SULT1C2: variants seen among roughly 807,000 people sequenced by gnomAD.
SULT1C2 encodes the protein sulfotransferase 1C2.
Under a neutral mutation model 36.0 loss-of-function variants are expected in SULT1C2, and 27 were observed. The ratio of observed to expected loss-of-function variants is 0.75; its 90% CI spans 0.55 to 1.03. The LOEUF is 1.03. Ranked by LOEUF, SULT1C2 falls within the 50% of genes least tolerant of loss-of-function variation. The pLI, the probability that SULT1C2 is intolerant of heterozygous loss-of-function variation, is 0.00. For synonymous variants in SULT1C2, 121 were observed against 116.0 expected, an observed-to-expected ratio of 1.04 and a Z score of -0.27; for missense variants, 395 against 359.2, an observed-to-expected ratio of 1.10 and a Z score of -0.80.
intron 5 of SULT1C2, among the ~76,000 whole-genome samples, 153 bp from the exon 6 acceptor site, chr2:108,305,019 C>T (rs916018937): frequency 1.3e-5 from 2 of 152,222 alleles, no homozygotes; most frequent in African/African-American, 4.8e-5. Flanking sequence ...CCATCTACAC[C>T]ACCCTCAAAA....
At chr2:108,291,740 T>G (rs894828420) in intron 1 of SULT1C2, among the ~76,000 whole-genome samples, 1 of 152,174 alleles carries the variant, frequency 6.6e-6, no homozygotes, top group Non-Finnish European at 1.5e-5. Context: ...TAATTATTCC[T>G]TCCTAATAAA....
intron 1 of SULT1C2, among the ~76,000 whole-genome samples, chr2:108,292,495 A>G (rs1287313510): frequency 6.6e-6 from 1 of 152,040 alleles, no homozygotes; most frequent in African/African-American, 2.4e-5. Context: ...AATAAGCATG[A>G]GAAGATGCTC....
chr2:108,297,633 C>A (rs548341705), intron 3 of SULT1C2, among the ~76,000 whole-genome samples: 1 of 152,084 alleles, frequency 6.6e-6, no homozygotes, highest in African/African-American at 2.4e-5. Context: ...GAGCAACCAT[C>A]GTGGTATTCC....
intron 3 of SULT1C2, among the ~76,000 whole-genome samples, chr2:108,294,885 A>G (rs1473731182): frequency 6.6e-6 from 1 of 152,204 alleles, no homozygotes; most frequent in African/African-American, 2.4e-5. Context: ...CTTCACATCA[A>G]AAAATAAAGA....
chr2:108,297,370 T>C (rs192485531), intron 3 of SULT1C2, among the ~76,000 whole-genome samples: 22 of 152,342 alleles, frequency 1.4e-4, no homozygotes, highest in Admixed American at 6.5e-4. Flanking sequence ...AACTCTTTGA[T>C]GGCAAGAAAC....
intron 3 of SULT1C2, chr2:108,299,568 G>C (rs1374038635): frequency 6.6e-6 from 1 of 152,382 alleles, no homozygotes; most frequent in East Asian, 1.9e-4. Flanking sequence ...GTGGAGCTGA[G>C]AAAAGAGACT....
rs118080219 is a variant in SULT1C2, at chr2:108,296,226, G to A, written c.277+1872G>A. On this transcript the variant is annotated intron_variant, in intron 3 of 7. Transcript: ENST00000251481. ...AATGAAGTATTCTTAGCAGTAGAGA[G>A]CAGAGTGTTCAATCACTAAATCGGC... 2.7e-3 allele frequency among the ~76,000 whole-genome samples: 409 copies of A among 152,340 alleles called. 3 individuals carry two copies. The East Asian group carries it at 0.029, about 11-fold the overall frequency.
intron 1 of SULT1C2, among the ~76,000 whole-genome samples, chr2:108,293,179 CAAA>C (rs397869118): frequency 1.8e-5 from 1 of 54,072 alleles, no homozygotes; most frequent in African/African-American, 7.1e-5. Flanking sequence ...GACTCTGTCT[CAAA>C]AAAAAAAAAA....
In SULT1C2 at chr2:108,293,678, C is replaced by G; in HGVS notation, c.11C>G (p.Thr4Ser). 6.2e-7 allele frequency: 1 copy of G among 1,613,840 alleles called. No homozygotes were observed. The highest frequency in any genetic ancestry group is 8.5e-7 in the Non-Finnish European group (1 of 1,179,872). Reference sequence around the variant, plus strand: ...CAACCCTGAGACACTATGGCCCTGACCTCAGACCTGGGGAAACAGATAAAA... The same window carrying G: ...CAACCCTGAGACACTATGGCCCTGAGCTCAGACCTGGGGAAACAGATAAAA... Reference protein sequence around the residue: MALTSDLGKQIKLK... With the variant: MALSSDLGKQIKLK... The change falls in exon 2 of 8, where the codon ACC (threonine) becomes AGC (serine). Residue 4 changes from threonine to serine, a missense_variant. Coordinates refer to ENST00000251481, the MANE Select transcript of SULT1C2 (RefSeq NM_001056.4).
intron 1 of SULT1C2, among the ~76,000 whole-genome samples, chr2:108,290,469 G>T (rs185914167): frequency 1.3e-5 from 2 of 152,152 alleles, no homozygotes; most frequent in African/African-American, 2.4e-5. Flanking sequence ...GATAATGTCC[G>T]TCTTAGTCCA....
At chr2:108,307,642 CT>C (rs1313838011) in intron 7 of SULT1C2, among the ~76,000 whole-genome samples, 3 of 152,098 alleles carry the variant, frequency 2.0e-5, no homozygotes, top group African/African-American at 7.2e-5. Flanking sequence ...AGAATTTCCC[CT>C]GTTTAAAATT....
At chr2:108,299,311 G>A (rs908929505) in intron 3 of SULT1C2, 1 of 152,176 alleles carries the variant, frequency 6.6e-6, no homozygotes, top group Non-Finnish European at 1.5e-5. Context: ...ATTTTCTTAT[G>A]AGCCTGATTA....
intron 3 of SULT1C2, among the ~76,000 whole-genome samples, chr2:108,295,760 A>G (rs532387171): frequency 1.3e-5 from 2 of 152,178 alleles, no homozygotes; most frequent in Non-Finnish European, 2.9e-5. Flanking sequence ...TCCAGGCCCC[A>G]TGACCCCATG....
chr2:108,307,526 T>C lies in SULT1C2; in HGVS notation c.779-826T>C, dbSNP rs1573257357. Among the ~76,000 whole-genome samples the C allele has an allele frequency of 2.0e-5, 3 of 152,370 alleles. No homozygotes were observed. In the South Asian group the frequency reaches 6.2e-4, roughly 32 times the overall value. On this transcript the variant is annotated intron_variant, in intron 7 of 7. Coordinates refer to ENST00000251481, the MANE Select transcript of SULT1C2 (RefSeq NM_001056.4). Reference sequence around the variant, plus strand: ...TATAGTTATTATTGTTTTCAATGTTTGTTTTTATGCATAATGTTACAGTAA... The same window carrying C: ...TATAGTTATTATTGTTTTCAATGTTCGTTTTTATGCATAATGTTACAGTAA...
chr2:108,295,771 T>C (rs565805710), intron 3 of SULT1C2, among the ~76,000 whole-genome samples: 1 of 152,306 alleles, frequency 6.6e-6, no homozygotes, highest in South Asian at 2.1e-4. Flanking sequence ...TGACCCCATG[T>C]GTTCCCTGAT....
At chr2:108,305,792 A>T (rs920728554) in intron 7 of SULT1C2, 197 bp downstream of exon 7, 1 of 658,598 alleles carries the variant, frequency 1.5e-6, no homozygotes, top group African/African-American at 1.8e-5. Flanking sequence ...TTTGGTTGCA[A>T]GGAACAGAGA....
At chr2:108,300,271 G>C (rs1346086214) in intron 3 of SULT1C2, 1 of 152,390 alleles carries the variant, frequency 6.6e-6, no homozygotes, top group Non-Finnish European at 1.5e-5. Flanking sequence ...CCAGCTACTC[G>C]GGAGGCTGAG....
intron 1 of SULT1C2, 104 bp from the exon 2 acceptor site, chr2:108,293,543 A>G (rs866868413): frequency 2.7e-5 from 29 of 1,062,636 alleles, no homozygotes; most frequent in Middle Eastern, 6.1e-4. Context: ...AATGTACTTA[A>G]TGCCTCTGAA....
intron 2 of SULT1C2, 22 bp downstream of exon 2, chr2:108,293,840 C>A: frequency 1.2e-6 from 2 of 1,607,798 alleles, no homozygotes; most frequent in Non-Finnish European, 1.7e-6. Context: ...GTAGGAGGGA[C>A]AGCAAAGACC....
Sources: allele counts gnomAD v4.1 joint callset (sites outside exome capture counted in the v4.1 genomes callset), GRCh38; gene constraint gnomAD v4.1.1; transcripts MANE v1.5; gene names NCBI Gene and HGNC (gene_info 2026-07-23, HGNC 2026-07-21).